Variants in BABAM2 observed in about 807,000 individuals in gnomAD.
The protein encoded by BABAM2 is BRISC and BRCA1 A complex member 2.
A neutral mutation model predicts 54.7 loss-of-function variants in BABAM2; 31 were observed. That is an observed-to-expected ratio of 0.57 (90% CI 0.43 to 0.77). The LOEUF is 0.77. Among genes scored for constraint, BABAM2 ranks in the 30% least tolerant of loss-of-function variants. The probability of loss-of-function intolerance (pLI) is 0.00; values close to 1 mark genes in which losing one functional copy is unlikely to be tolerated. For missense variants in BABAM2, 364 were observed against 455.8 expected, an observed-to-expected ratio of 0.80 and a Z score of 1.83; for synonymous variants, 167 against 162.9, an observed-to-expected ratio of 1.03 and a Z score of -0.19.
chr2:27,905,978 A>G lies in BABAM2; in HGVS notation c.128+11294A>G, dbSNP rs78562668. On this transcript the variant is annotated intron_variant, in intron 2 of 11. Transcript: ENST00000379624. The stretch of plus-strand genomic sequence containing the variant: ...TAGCAGATAGAACTTAAGAGTTTTT[A>G]ACAGTCATTAGAGATTGAACACTGA... Among the ~76,000 whole-genome samples the G allele has an allele frequency of 2.9e-3, 441 of 152,360 alleles. 15 individuals carry two copies. The East Asian group carries it at 0.07, about 24-fold the overall frequency.
intron 11 of BABAM2, among the ~76,000 whole-genome samples, chr2:28,338,001 G>A (rs1322244846): frequency 1.3e-5 from 2 of 152,098 alleles, no homozygotes; most frequent in Non-Finnish European, 1.5e-5. Flanking sequence ...AAAATCAAAT[G>A]TGTTAAAAAA....
intron 10 of BABAM2, among the ~76,000 whole-genome samples, chr2:28,291,218 GCTGT>G (rs1687256035): frequency 1.3e-5 from 2 of 152,154 alleles, no homozygotes; most frequent in Non-Finnish European, 2.9e-5. Context: ...GGCATACCAT[GCTGT>G]CTCTTTCCAT....
chr2:28,041,410 T>TCAA (rs1387114533), intron 5 of BABAM2, among the ~76,000 whole-genome samples: 1 of 152,198 alleles, frequency 6.6e-6, no homozygotes, highest in Non-Finnish European at 1.5e-5. Context: ...TCTTTGAATC[T>TCAA]CATGGTACTT....
intron 2 of BABAM2, among the ~76,000 whole-genome samples, chr2:27,909,261 T>G (rs1038324866): frequency 1.3e-5 from 2 of 151,884 alleles, no homozygotes; most frequent in African/African-American, 4.8e-5. Context: ...CCCAGATTGA[T>G]CTCGAACTCC....
At chr2:28,292,076 C>T (rs1015261209) in intron 10 of BABAM2, among the ~76,000 whole-genome samples, 3 of 152,140 alleles carry the variant, frequency 2.0e-5, no homozygotes, top group Admixed American at 6.5e-5. Context: ...CCTGAGAGGA[C>T]TGGAAATGGG....
chr2:28,091,453 T>A (rs1001050551), intron 6 of BABAM2, among the ~76,000 whole-genome samples: 1 of 152,212 alleles, frequency 6.6e-6, no homozygotes, highest in African/African-American at 2.4e-5. Flanking sequence ...ATCAAAGGGC[T>A]GGATGACACT....
In BABAM2 at chr2:28,204,976, T is replaced by TA. The variant is rs879466179; in HGVS notation, c.681-32214dup. Among the ~76,000 whole-genome samples, 908 of 142,486 alleles carry TA rather than the reference T, an allele frequency of 6.4e-3. 4 individuals are homozygous for TA. Among genetic ancestry groups the TA allele is most frequent in the Non-Finnish European group, 7.9e-3 (509 of 64,776 alleles). The allele number at this position is 142,486 out of a possible 152,430, so 93.5% of individuals were successfully genotyped here. A position where few individuals can be genotyped will look rare whatever the true frequency, so the allele number is the denominator to read the frequency against. ...AAAAAAGTTTTTTTTTAACTTTGGT[T>TA]AAAAAAAAAAAACAACCTTCTTATT... On this transcript the variant is annotated intron_variant, in intron 7 of 11. Transcript: ENST00000379624.
At position 27,995,884 on chromosome 2, in the gene BABAM2, A is replaced by C. The variant is rs1573353532; in HGVS notation, c.300+7797A>C. Among the ~76,000 whole-genome samples the C allele has an allele frequency of 6.6e-6, 1 of 152,108 alleles. No homozygotes were observed. The highest frequency in any genetic ancestry group is 1.9e-4 in the East Asian group (1 of 5,190). ...CGTGAGCCACTGCACCTGGCCCCTC[A>C]TGAGTTCTTAATTTTAGAGAATATG... On this transcript the variant is annotated intron_variant, in intron 4 of 11. Transcript: ENST00000379624. This position sits in a 1 kb window ranked among gnomAD's most constrained non-coding sequence, Gnocchi z 4.1.
At chr2:28,208,897 G>A (rs569609252) in intron 7 of BABAM2, among the ~76,000 whole-genome samples, 23 of 152,142 alleles carry the variant, frequency 1.5e-4, no homozygotes, top group African/African-American at 5.1e-4. Context: ...GGATTCACCC[G>A]TCTTTCTTCT....
chr2:28,195,748 A>G (rs1677460558), intron 7 of BABAM2, among the ~76,000 whole-genome samples: 1 of 152,270 alleles, frequency 6.6e-6, no homozygotes, highest in Non-Finnish European at 1.5e-5. Context: ...GACACAGGCC[A>G]TCAGCAGAAA....
chr2:28,196,987 G>A (rs996825053), intron 7 of BABAM2, among the ~76,000 whole-genome samples: 1 of 151,668 alleles, frequency 6.6e-6, no homozygotes, highest in Admixed American at 6.6e-5. Context: ...TGGGACTACA[G>A]GTGTGTGCCA....
At chr2:27,933,708 C>T (rs1354961787) in intron 3 of BABAM2, among the ~76,000 whole-genome samples, 1 of 151,106 alleles carries the variant, frequency 6.6e-6, no homozygotes, top group African/African-American at 2.4e-5. Context: ...CATCATCTGC[C>T]TGCTTCAGCC....
chr2:28,135,031 C>T (rs1452632538), intron 7 of BABAM2, among the ~76,000 whole-genome samples: 1 of 152,190 alleles, frequency 6.6e-6, no homozygotes. Flanking sequence ...GTTTCATCTA[C>T]TCCAAGTGGG....
chr2:28,102,371 A>G (rs1667160739), intron 6 of BABAM2, among the ~76,000 whole-genome samples: 1 of 152,198 alleles, frequency 6.6e-6, no homozygotes, highest in Non-Finnish European at 1.5e-5. Flanking sequence ...AATGTCTAAA[A>G]CATACTTATT....
chr2:27,930,762 C>G (rs1361112430), intron 3 of BABAM2, among the ~76,000 whole-genome samples: 1 of 152,174 alleles, frequency 6.6e-6, no homozygotes, highest in Non-Finnish European at 1.5e-5. Context: ...ACTGTATCAG[C>G]TTTTCTCTGT....
intron 1 of BABAM2, among the ~76,000 whole-genome samples, chr2:27,894,291 G>A (rs528404564): frequency 6.6e-6 from 1 of 152,238 alleles, no homozygotes; most frequent in Admixed American, 6.5e-5. Context: ...AAGGAAAAGG[G>A]AATTGTATTT....
At chr2:27,978,948 A>G (rs1441383812) in intron 3 of BABAM2, among the ~76,000 whole-genome samples, 1 of 152,036 alleles carries the variant, frequency 6.6e-6, no homozygotes, top group Non-Finnish European at 1.5e-5. Flanking sequence ...AGCTACATCC[A>G]TATTGCTGCA....
chr2:28,180,839 G>T (rs148724806), intron 7 of BABAM2, among the ~76,000 whole-genome samples: 15 of 152,196 alleles, frequency 9.9e-5, no homozygotes, highest in Admixed American at 2.6e-4. Context: ...TACGCAAATT[G>T]TCAACAGGTA....
intron 6 of BABAM2, among the ~76,000 whole-genome samples, chr2:28,090,836 C>T (rs925208882): frequency 6.6e-6 from 1 of 152,158 alleles, no homozygotes; most frequent in African/African-American, 2.4e-5. Context: ...CTGCCATTTG[C>T]TGTTAGTGTA....
Sources: allele counts gnomAD v4.1 joint callset (sites outside exome capture counted in the v4.1 genomes callset), GRCh38; gene constraint gnomAD v4.1.1; non-coding constraint Gnocchi (gnomAD v3.1); transcripts MANE v1.5; gene names NCBI Gene and HGNC (gene_info 2026-07-23, HGNC 2026-07-21).